PPM1H: variants seen among roughly 807,000 people sequenced by gnomAD.
The protein encoded by PPM1H is protein phosphatase, Mg2+/Mn2+ dependent 1H.
A neutral mutation model predicts 54.9 loss-of-function variants in PPM1H; 27 were observed. That is an observed-to-expected ratio of 0.49 (90% CI 0.36 to 0.68). PPM1H has a LOEUF of 0.68. Among genes scored for constraint, PPM1H ranks in the 30% least tolerant of loss-of-function variants. The pLI, the probability that PPM1H is intolerant of heterozygous loss-of-function variation, is 0.00. For synonymous variants in PPM1H, 305 were observed against 270.8 expected, an observed-to-expected ratio of 1.13 and a Z score of -1.24; for missense variants, 596 against 667.8, an observed-to-expected ratio of 0.89 and a Z score of 1.19.
intron 2 of PPM1H, among the ~76,000 whole-genome samples, chr12:62,817,304 T>C (rs1008107689): frequency 3.3e-5 from 5 of 150,240 alleles, no homozygotes; most frequent in African/African-American, 7.3e-5. Context: ...CTACTAAAAA[T>C]ACAAAAAATT....
At chr12:62,849,588 T>G (rs1869102677) in intron 1 of PPM1H, among the ~76,000 whole-genome samples, 2 of 152,058 alleles carry the variant, frequency 1.3e-5, no homozygotes, top group African/African-American at 4.8e-5. Flanking sequence ...GTGTGAGGTT[T>G]TAAGAGGGAA....
At chr12:62,932,996 A>G (rs1210385735) in intron 1 of PPM1H, among the ~76,000 whole-genome samples, 2 of 152,088 alleles carry the variant, frequency 1.3e-5, no homozygotes, top group Admixed American at 6.5e-5. Context: ...TATGTTTGGC[A>G]GGCTCTTTTT....
chr12:62,802,134 A>C lies in PPM1H; in HGVS notation c.438T>G (p.Tyr146Ter). ...NSESEGVSCH[Y>*]WSLFDGHAGS... ...CCGCGTGCCCGTCAAACAGCGACCA[A>C]TAGTGGCAGGAAACACCCTCGGATT... is the stretch of plus-strand genomic sequence containing the variant. The change falls in exon 3 of 10, where the codon TAT (tyrosine) becomes TAG (stop). Residue 146 changes from tyrosine to a stop codon, truncating the protein, a stop_gained. Transcript: ENST00000228705. LOFTEE classifies it high-confidence loss of function. The C allele has an allele frequency of 2.5e-6, 4 of 1,579,756 alleles. No individual in the cohort carries two copies. The highest frequency in any genetic ancestry group is 1.3e-5 in the African/African-American group (1 of 74,194).
chr12:62,933,517 A>G (rs1203811636), intron 1 of PPM1H, among the ~76,000 whole-genome samples: 2 of 152,226 alleles, frequency 1.3e-5, no homozygotes, highest in Non-Finnish European at 2.9e-5. Context: ...CAGGTGTGCC[A>G]GCCACCAGGT....
At chr12:62,694,283 A>G (rs2076101341) in intron 6 of PPM1H, among the ~76,000 whole-genome samples, 3 of 152,314 alleles carry the variant, frequency 2.0e-5, no homozygotes, top group South Asian at 2.1e-4. Flanking sequence ...GGGTCTGTGT[A>G]ATAATGAAGT....
chr12:62,704,567 T>C (rs1479248316), intron 6 of PPM1H, among the ~76,000 whole-genome samples: 1 of 152,210 alleles, frequency 6.6e-6, no homozygotes, highest in African/African-American at 2.4e-5. Context: ...CCTATAGGCC[T>C]TAAGCTGTGA....
At chr12:62,722,316 C>A (rs1592562912) in intron 5 of PPM1H, among the ~76,000 whole-genome samples, 1 of 152,110 alleles carries the variant, frequency 6.6e-6, no homozygotes, top group African/African-American at 2.4e-5. Context: ...TTACCATGTG[C>A]CAGCCCCATA....
intron 6 of PPM1H, among the ~76,000 whole-genome samples, chr12:62,715,663 C>T (rs1350214906): frequency 1.3e-5 from 2 of 152,174 alleles, no homozygotes; most frequent in Non-Finnish European, 2.9e-5. Context: ...TCCTCTCCCA[C>T]ACTTCCTCCT....
intron 1 of PPM1H, chr12:62,840,068 A>AGC (rs1350567061): frequency 7.8e-6 from 1 of 128,242 alleles, no homozygotes; most frequent in African/African-American, 3.7e-5. Context: ...AGAGAGAGAG[A>AGC]GAGAGAGAGA....
intron 1 of PPM1H, among the ~76,000 whole-genome samples, chr12:62,859,176 G>A (rs980681312): frequency 2.0e-5 from 3 of 152,146 alleles, no homozygotes; most frequent in Admixed American, 6.5e-5. Flanking sequence ...AGCTTAAGGT[G>A]GCTGTATTAG....
chr12:62,805,592 C>A (rs1268657554), intron 2 of PPM1H, among the ~76,000 whole-genome samples: 1 of 152,110 alleles, frequency 6.6e-6, no homozygotes, highest in Admixed American at 6.6e-5. Flanking sequence ...GTGAAATAAA[C>A]CAGACACAGA....
At chr12:62,884,540 GAA>G (rs148196052) in intron 1 of PPM1H, among the ~76,000 whole-genome samples, 1 of 144,250 alleles carries the variant, frequency 6.9e-6, no homozygotes. Flanking sequence ...AGAGAGAAAA[GAA>G]AAAAAAGAAA....
intron 1 of PPM1H, among the ~76,000 whole-genome samples, chr12:62,914,152 G>C (rs1465437810): frequency 6.6e-5 from 10 of 152,150 alleles, no homozygotes. Context: ...AGAATGGCTT[G>C]GTGCATCTTC....
chr12:62,714,502 G>A lies in PPM1H; in HGVS notation c.1073+5669C>T, dbSNP rs182750582. 2.6e-5 allele frequency among the ~76,000 whole-genome samples: 4 copies of A among 152,236 alleles called. No homozygotes were observed. In the East Asian group the frequency reaches 7.7e-4, roughly 29 times the overall value. ...ACAAAATAAAACACTGCCATCTCTG[G>A]AATCTTTCTAATGGGATCTGTCTTT... is the stretch of plus-strand genomic sequence containing the variant. On this transcript the variant is annotated intron_variant, in intron 6 of 9. Transcript: ENST00000228705.
intron 6 of PPM1H, among the ~76,000 whole-genome samples, chr12:62,694,892 C>T (rs141019193): frequency 1.3e-5 from 2 of 152,186 alleles, no homozygotes; most frequent in East Asian, 1.9e-4. Flanking sequence ...TTAACACTTA[C>T]GTGGCATACC....
intron 6 of PPM1H, among the ~76,000 whole-genome samples, chr12:62,703,945 C>G (rs2076158296): frequency 1.3e-5 from 2 of 150,336 alleles, no homozygotes; most frequent in African/African-American, 4.9e-5. Flanking sequence ...GCCAGCTCTT[C>G]CCCCCTCACT....
chr12:62,802,193 C>G, intron 2 of PPM1H, 33 bp from the exon 3 acceptor site: 1 of 1,496,012 alleles, frequency 6.7e-7, no homozygotes, highest in Non-Finnish European at 9.0e-7. Flanking sequence ...GGAGTGAGAA[C>G]GGCTGTGGAC....
At chr12:62,747,770 T>C (rs960059815) in intron 4 of PPM1H, among the ~76,000 whole-genome samples, 20 of 152,200 alleles carry the variant, frequency 1.3e-4, no homozygotes, top group African/African-American at 4.6e-4. Context: ...AGGTGCTATG[T>C]AAACATGGCA....
intron 2 of PPM1H, among the ~76,000 whole-genome samples, chr12:62,820,809 G>A (rs2076898550): frequency 1.3e-5 from 2 of 152,138 alleles, no homozygotes; most frequent in South Asian, 4.2e-4. Flanking sequence ...CACAAAGATG[G>A]GGAGGAACCA....
Sources: gnomAD v4.1 joint callset for allele counts (sites outside exome capture counted in the v4.1 genomes callset) on GRCh38, gnomAD v4.1.1 for gene constraint, MANE v1.5 for transcripts, NCBI Gene and HGNC (gene_info 2026-07-23, HGNC 2026-07-21) for gene names.